The following RIMKLA variants were observed in gnomAD, a reference collection of about 807,000 sequenced individuals.
The protein encoded by RIMKLA is N-acetylaspartylglutamate synthase A.
In RIMKLA, 14 loss-of-function variants were observed where a neutral mutation model predicts 32.7. The ratio of observed to expected loss-of-function variants is 0.43; its 90% CI spans 0.28 to 0.67. The LOEUF (loss-of-function observed/expected upper bound fraction) is 0.67, where lower values mean the gene tolerates loss of function less well. Ranked by LOEUF, RIMKLA falls within the 30% of genes least tolerant of loss-of-function variation. The pLI is 0.18. For synonymous variants in RIMKLA, 176 were observed against 204.1 expected (o/e 0.86, Z 1.18); for missense variants, 410 against 519.0 (o/e 0.79, Z 2.04).
At chr1:42,401,029 A>G (rs529493309) in intron 2 of RIMKLA, among the ~76,000 whole-genome samples, 15 of 152,140 alleles carry the variant, frequency 9.9e-5, no homozygotes, top group East Asian at 1.9e-4. Context: ...GTTTCATGGA[A>G]GACGATTTTT....
At chr1:42,404,055 C>G (rs951552981) in intron 2 of RIMKLA, among the ~76,000 whole-genome samples, 2 of 152,006 alleles carry the variant, frequency 1.3e-5, no homozygotes, top group Non-Finnish European at 2.9e-5. Flanking sequence ...TTTTTAGAGA[C>G]TCATCTGATT....
chr1:42,402,373 C>T (rs1177454935), intron 2 of RIMKLA, among the ~76,000 whole-genome samples: 1 of 152,076 alleles, frequency 6.6e-6, no homozygotes, highest in Non-Finnish European at 1.5e-5. Context: ...TGTATATGTC[C>T]TTAAAAGTGG....
intron 3 of RIMKLA, among the ~76,000 whole-genome samples, chr1:42,409,444 C>T (rs541894644): frequency 6.6e-6 from 1 of 152,292 alleles, no homozygotes; most frequent in African/African-American, 2.4e-5. Flanking sequence ...TATGCATAGA[C>T]CTCTGTTGAT....
At chr1:42,386,359 TCC>T (rs760046222) in intron 1 of RIMKLA, among the ~76,000 whole-genome samples, 37 of 152,088 alleles carry the variant, frequency 2.4e-4, no homozygotes, top group Non-Finnish European at 4.9e-4. Flanking sequence ...ACACCTCACC[TCC>T]TTGCCACTAC....
At chr1:42,385,147 A>G (rs1272930032) in intron 1 of RIMKLA, among the ~76,000 whole-genome samples, 3 of 152,204 alleles carry the variant, frequency 2.0e-5, no homozygotes, top group African/African-American at 7.2e-5. Context: ...CAAAACTGGT[A>G]CATAGTAGGC....
chr1:42,397,889 G>T lies in RIMKLA; in HGVS notation c.164-1515G>T, dbSNP rs573863365. Among the ~76,000 whole-genome samples, 131 of 152,212 alleles carry T rather than the reference G, an allele frequency of 8.6e-4. 1 individual carries two copies. Among genetic ancestry groups the T allele is most frequent in the Non-Finnish European group, 1.5e-3 (104 of 68,026 alleles). On this transcript the variant is annotated intron_variant, in intron 1 of 4. Coordinates refer to ENST00000431473, the MANE Select transcript of RIMKLA (RefSeq NM_173642.4). ...ATCACCAGATTCTGGGTGCACCATG[G>T]AGACCTAGGTAATGACATAGAGTAA... is the stretch of plus-strand genomic sequence containing the variant.
At chr1:42,385,823 CCTTCCTTTCTTTCTTTCTTTCTCTTT>C (rs1642934898) in intron 1 of RIMKLA, among the ~76,000 whole-genome samples, 1 of 87,034 alleles carries the variant, frequency 1.1e-5, no homozygotes, top group African/African-American at 4.0e-5. Context: ...TTCCTTCCTT[CCTTCCTTTCTTTCTTTCTTTCTCTTT>C]CTTTCTTTCT....
intron 1 of RIMKLA, among the ~76,000 whole-genome samples, chr1:42,399,008 C>T (rs1459701215): frequency 1.4e-5 from 2 of 147,140 alleles, no homozygotes; most frequent in Non-Finnish European, 3.0e-5. Context: ...TATAATGTTC[C>T]AATCAGATAT....
At chr1:42,385,759 C>CTTTGTTTGTTTG (rs1421740269) in intron 1 of RIMKLA, among the ~76,000 whole-genome samples, 1 of 79,992 alleles carries the variant, frequency 1.3e-5, no homozygotes, top group African/African-American at 7.5e-5. Context: ...TTCTTTCTTT[C>CTTTGTTTGTTTG]TTTCTTTCTT....
chr1:42,414,433 G>A, intron 4 of RIMKLA, 51 bp from the exon 5 acceptor site: 2 of 1,586,350 alleles, frequency 1.3e-6, no homozygotes, highest in Non-Finnish European at 8.6e-7. Flanking sequence ...TCTTTGAAGA[G>A]TCATCTGACT....
At chr1:42,386,198 C>T (rs530166759) in intron 1 of RIMKLA, among the ~76,000 whole-genome samples, 10 of 152,052 alleles carry the variant, frequency 6.6e-5, no homozygotes, top group African/African-American at 1.2e-4. Context: ...GCTGGTATTA[C>T]GGGCGTGAGC....
rs1042558959 is a variant in RIMKLA at position 42,422,808 on chromosome 1, T to C, written c.*7834T>C. Among the ~76,000 whole-genome samples the C allele has an allele frequency of 1.3e-5, 2 of 152,168 alleles. No homozygotes were observed. Among genetic ancestry groups the C allele is most frequent in the African/African-American group, 2.4e-5 (1 of 41,432 alleles). ...GTCTGAATTGTAATACTGCCAACTC[T>C]CAACTGTCAAGATGATGGAGGAAAA... is the stretch of plus-strand genomic sequence containing the variant. On this transcript the variant is annotated 3_prime_UTR_variant, in exon 5 of 5. Transcript: ENST00000431473.
Position 42,381,046 on chromosome 1 carries a change from CG to C in RIMKLA, c.115del (p.Ala39ArgfsTer20). Reference protein sequence around the residue: ...QRCSEQDVRFRAVLMDQIAVT... With the variant: ...QRCSEQDVRFXAVLMDQIAVT... ...CTGCTCCGAGCAGGACGTGCGCTTC[CG>C]GGCGGTGCTTATGGACCAGATCGCC... On this transcript the variant is annotated frameshift_variant, in exon 1 of 5. Transcript: ENST00000431473. LOFTEE classifies it high-confidence loss of function. 1 of 1,332,244 alleles carries C rather than the reference CG, an allele frequency of 7.5e-7. No individual in the cohort carries two copies. The allele number at this position is 1,332,244 out of a possible 1,614,324, so 82.5% of individuals were successfully genotyped here. A position where few individuals can be genotyped will look rare whatever the true frequency, so the allele number is the denominator to read the frequency against.
At chr1:42,388,744 C>T (rs1642972681) in intron 1 of RIMKLA, among the ~76,000 whole-genome samples, 1 of 151,670 alleles carries the variant, frequency 6.6e-6, no homozygotes, top group Non-Finnish European at 1.5e-5. Flanking sequence ...TCTTGAACTC[C>T]TGACCTCGTG....
intron 4 of RIMKLA, chr1:42,412,690 C>A: frequency 2.1e-6 from 1 of 467,106 alleles, no homozygotes; most frequent in Non-Finnish European, 4.2e-6. Flanking sequence ...AGTTAGAAAC[C>A]AGATGATGAC....
intron 1 of RIMKLA, among the ~76,000 whole-genome samples, chr1:42,382,226 T>TA (rs932827849): frequency 2.6e-5 from 4 of 152,212 alleles, no homozygotes; most frequent in Non-Finnish European, 5.9e-5. Context: ...AAATATACCA[T>TA]AAACATTAGG....
rs1160821455 is a variant in RIMKLA, at chr1:42,419,915, G to T, written c.*4941G>T. ...AGAATGTCCTGGAAACCAAGGGTTT[G>T]CAGCTCCTAAACCTATTGCATTAGG... is the stretch of plus-strand genomic sequence containing the variant. On this transcript the variant is annotated 3_prime_UTR_variant, in exon 5 of 5. Transcript: ENST00000431473. 2 of 152,220 alleles carry T rather than the reference G, an allele frequency of 1.3e-5. No homozygotes were observed. The highest frequency in any genetic ancestry group is 2.9e-5 in the Non-Finnish European group (2 of 68,044). 9.4% of individuals were successfully genotyped at this position (152,220 alleles called of 1,614,324 possible).
At chr1:42,409,201 CAAAAAAAAAAAAAAAA>C (rs59543497) in intron 3 of RIMKLA, among the ~76,000 whole-genome samples, 3 of 64,480 alleles carry the variant, frequency 4.7e-5, no homozygotes, top group African/African-American at 2.0e-4. Flanking sequence ...GACTCTGTCT[CAAAAAAAAAAAAAAAA>C]AAAAAAAAAA....
At chr1:42,409,093 T>G (rs1643173869) in intron 3 of RIMKLA, among the ~76,000 whole-genome samples, 1 of 149,062 alleles carries the variant, frequency 6.7e-6, no homozygotes. Flanking sequence ...TCCCAGCTAC[T>G]CCAGAGGCTA....
Sources: gnomAD v4.1 joint callset for allele counts (sites outside exome capture counted in the v4.1 genomes callset) on GRCh38, gnomAD v4.1.1 for gene constraint, MANE v1.5 for transcripts, NCBI Gene and HGNC (gene_info 2026-07-23, HGNC 2026-07-21) for gene names.